The following ABCA13 variants were observed in gnomAD, a reference collection of about 807,000 sequenced individuals.
ABCA13 encodes ATP-binding cassette sub-family A member 13.
A neutral mutation model predicts 478.7 loss-of-function variants in ABCA13; 476 were observed. The observed-to-expected ratio is 0.99, with a 90% confidence interval of 0.92 to 1.07. The LOEUF (loss-of-function observed/expected upper bound fraction) is 1.07, where lower values mean the gene tolerates loss of function less well. ABCA13 is among the 50% of genes least tolerant of loss of function. ABCA13 has a pLI of 0.00. For missense variants in ABCA13, 6,060 were observed against 5,910.6 expected, an observed-to-expected ratio of 1.03 and a Z score of -0.83; for synonymous variants, 2,252 against 2,158.9, an observed-to-expected ratio of 1.04 and a Z score of -1.20.
At chr7:48,554,348 C>G (rs1285859399) in intron 55 of ABCA13, among the ~76,000 whole-genome samples, 1 of 151,872 alleles carries the variant, frequency 6.6e-6, no homozygotes, top group Non-Finnish European at 1.5e-5. Context: ...GTTGTTTTCT[C>G]TATTTCTGTA....
At chr7:48,471,351 A>G (rs1187419859) in intron 44 of ABCA13, among the ~76,000 whole-genome samples, 179 bp from the exon 45 acceptor site, 2 of 152,250 alleles carry the variant, frequency 1.3e-5, no homozygotes, top group Non-Finnish European at 2.9e-5. Flanking sequence ...TTGTAATAAA[A>G]CATTGTCATC....
chr7:48,441,226 A>G (rs952275893), intron 42 of ABCA13, among the ~76,000 whole-genome samples: 5 of 152,160 alleles, frequency 3.3e-5, no homozygotes, highest in African/African-American at 1.2e-4. Context: ...CACAGTGTGC[A>G]TTAATGTCTT....
chr7:48,627,054 G>A (rs1018617430), intron 59 of ABCA13: 3 of 985,250 alleles, frequency 3.0e-6, no homozygotes, highest in Non-Finnish European at 3.6e-6. Context: ...TCATGTTGCT[G>A]CATTTATTTT....
At chr7:48,212,273 C>T (rs1327605774) in intron 3 of ABCA13, among the ~76,000 whole-genome samples, 1 of 152,198 alleles carries the variant, frequency 6.6e-6, no homozygotes, top group Non-Finnish European at 1.5e-5. Flanking sequence ...CTCTCCCTCC[C>T]TCAAGCACAC....
At chr7:48,509,740 A>G (rs1831513765) in intron 50 of ABCA13, among the ~76,000 whole-genome samples, 1 of 152,192 alleles carries the variant, frequency 6.6e-6, no homozygotes, top group Non-Finnish European at 1.5e-5. Flanking sequence ...GCTATAGACT[A>G]AATGATTATG....
At chr7:48,580,183 G>A (rs1391432220) in intron 55 of ABCA13, 41 bp from the exon 56 acceptor site, 2 of 1,536,858 alleles carry the variant, frequency 1.3e-6, no homozygotes, top group Non-Finnish European at 8.7e-7. Flanking sequence ...GTGCCAGTTT[G>A]GGAAACTGCT....
chr7:48,207,920 A>C (rs951034873), intron 3 of ABCA13, among the ~76,000 whole-genome samples: 1 of 151,764 alleles, frequency 6.6e-6, no homozygotes, highest in Non-Finnish European at 1.5e-5. Flanking sequence ...TTATTCTATT[A>C]GTTTCATAGT....
At chr7:48,363,308 T>A (rs1201525250) in intron 31 of ABCA13, among the ~76,000 whole-genome samples, 1 of 152,196 alleles carries the variant, frequency 6.6e-6, no homozygotes. Flanking sequence ...AATGTTATTA[T>A]GGAGAAATCT....
chr7:48,626,212 C>T (rs1161019662), intron 59 of ABCA13, among the ~76,000 whole-genome samples: 3 of 152,084 alleles, frequency 2.0e-5, no homozygotes, highest in African/African-American at 7.2e-5. Context: ...AGACCATTAG[C>T]ACGACAAGAA....
intron 59 of ABCA13, among the ~76,000 whole-genome samples, chr7:48,619,736 G>A (rs1033848705): frequency 6.6e-6 from 1 of 152,178 alleles, no homozygotes. Flanking sequence ...CAAAGAAGGA[G>A]GAAGACACAT....
At chr7:48,486,478 A>G (rs1403374397) in intron 47 of ABCA13, among the ~76,000 whole-genome samples, 1 of 151,808 alleles carries the variant, frequency 6.6e-6, no homozygotes, top group Non-Finnish European at 1.5e-5. Context: ...GTTTTTTATT[A>G]TTTTTCCCCA....
At chr7:48,518,145 A>G (rs1315864645) in intron 52 of ABCA13, among the ~76,000 whole-genome samples, 2 of 152,344 alleles carry the variant, frequency 1.3e-5, no homozygotes, top group East Asian at 3.9e-4. Flanking sequence ...TCTACACTTT[A>G]AAGAGAAAAC....
intron 48 of ABCA13, among the ~76,000 whole-genome samples, chr7:48,501,666 T>G (rs1346178788): frequency 6.6e-6 from 1 of 152,192 alleles, no homozygotes; most frequent in African/African-American, 2.4e-5. Context: ...CATGGAAGAT[T>G]ACAGCTATGT....
intron 42 of ABCA13, among the ~76,000 whole-genome samples, chr7:48,434,782 T>C (rs1376739741): frequency 1.3e-5 from 2 of 151,984 alleles, no homozygotes; most frequent in Non-Finnish European, 2.9e-5. Flanking sequence ...CACTGAATGG[T>C]TTTGGCTCAT....
intron 35 of ABCA13, among the ~76,000 whole-genome samples, chr7:48,377,582 A>G (rs1231753964): frequency 6.6e-6 from 1 of 152,212 alleles, no homozygotes; most frequent in Non-Finnish European, 1.5e-5. Context: ...TAAAAATAAT[A>G]TGGGCCACTG....
chr7:48,609,321 C>T (rs1236512515), intron 58 of ABCA13, among the ~76,000 whole-genome samples: 1 of 152,080 alleles, frequency 6.6e-6, no homozygotes, highest in African/African-American at 2.4e-5. Flanking sequence ...TATATATATT[C>T]ATTTCCATAA....
chr7:48,375,448 T>C (rs1813314258), intron 34 of ABCA13, among the ~76,000 whole-genome samples: 1 of 152,190 alleles, frequency 6.6e-6, no homozygotes, highest in African/African-American at 2.4e-5. Context: ...GATCCAGAAA[T>C]AGGTCTAATA....
chr7:48,643,458 C>CT lies in ABCA13; in HGVS notation c.14943+72dup, dbSNP rs1412535308. Reference sequence around the variant, plus strand: ...AAAAAAAAATAATAAATGTACCTGTCTTTTTTTGTTTTTATTCTATGCTGT... The same window carrying CT: ...AAAAAAAAATAATAAATGTACCTGTCTTTTTTTTGTTTTTATTCTATGCTGT... On this transcript the variant is annotated intron_variant, in intron 60 of 61. Transcript: ENST00000435803. 1.2e-4 allele frequency: 164 copies of CT among 1,388,006 alleles called. No homozygotes were observed. In the East Asian group the frequency reaches 3.6e-3, roughly 30 times the overall value. The allele number at this position is 1,388,006 out of a possible 1,614,324, so 86.0% of individuals were successfully genotyped here.
intron 31 of ABCA13, among the ~76,000 whole-genome samples, chr7:48,353,039 C>T (rs996945814): frequency 1.3e-5 from 2 of 151,840 alleles, no homozygotes; most frequent in Non-Finnish European, 2.9e-5. Context: ...GACAAGAGGA[C>T]TTGGAGGGGA....
Sources: allele counts gnomAD v4.1 joint callset (sites outside exome capture counted in the v4.1 genomes callset), GRCh38; gene constraint gnomAD v4.1.1; transcripts MANE v1.5; gene names NCBI Gene and HGNC (gene_info 2026-07-23, HGNC 2026-07-21).